Variants in SLC25A21 observed in about 807,000 individuals in gnomAD.
SLC25A21 encodes solute carrier family 25 member 21.
Under a neutral mutation model 43.8 loss-of-function variants are expected in SLC25A21, and 47 were observed. That is an observed-to-expected ratio of 1.07 (90% CI 0.85 to 1.37). The LOEUF is 1.37. Among genes scored for constraint, SLC25A21 ranks in the 40% most tolerant of loss-of-function variants. SLC25A21 has a pLI of 0.00. For missense variants in SLC25A21, 352 were observed against 350.2 expected (o/e 1.00, Z -0.04); for synonymous variants, 131 against 121.3 (o/e 1.08, Z -0.52).
intron 9 of SLC25A21, among the ~76,000 whole-genome samples, chr14:36,683,312 G>A (rs1882375397): frequency 6.6e-6 from 1 of 152,222 alleles, no homozygotes; most frequent in South Asian, 2.1e-4. Context: ...TGCTGACAAA[G>A]CCCAGGAGAG....
intron 1 of SLC25A21, among the ~76,000 whole-genome samples, chr14:36,924,565 T>C (rs1233417482): frequency 6.6e-6 from 1 of 151,954 alleles, no homozygotes; most frequent in African/African-American, 2.4e-5. Context: ...TTAGGAGATA[T>C]ACCTAATGGA....
At chr14:37,152,834 G>C (rs1024666044) in intron 1 of SLC25A21, among the ~76,000 whole-genome samples, 1 of 152,132 alleles carries the variant, frequency 6.6e-6, no homozygotes. Context: ...AATCAAATAG[G>C]GGAGAAAGGT....
At chr14:37,017,737 G>A (rs1042373446) in intron 1 of SLC25A21, among the ~76,000 whole-genome samples, 11 of 151,550 alleles carry the variant, frequency 7.3e-5, no homozygotes, top group East Asian at 5.8e-4. Context: ...ATTATTTTTC[G>A]CATAATATGA....
At chr14:36,906,291 T>A (rs796368120) in intron 1 of SLC25A21, among the ~76,000 whole-genome samples, 69 of 152,162 alleles carry the variant, frequency 4.5e-4, no homozygotes, top group African/African-American at 1.6e-3. Flanking sequence ...AAATAAAAAA[T>A]TCCAGAAACA....
At chr14:36,954,699 G>T (rs1959287816) in intron 1 of SLC25A21, among the ~76,000 whole-genome samples, 1 of 152,078 alleles carries the variant, frequency 6.6e-6, no homozygotes, top group African/African-American at 2.4e-5. Context: ...ACAAAAAAAT[G>T]ATAAATATGT....
intron 1 of SLC25A21, among the ~76,000 whole-genome samples, chr14:37,017,171 C>G (rs1960875962): frequency 6.6e-6 from 1 of 152,136 alleles, no homozygotes; most frequent in South Asian, 2.1e-4. Flanking sequence ...CCTATCTTAG[C>G]TTTTGGCATG....
chr14:36,815,631 A>T (rs571088039), intron 2 of SLC25A21, among the ~76,000 whole-genome samples: 1 of 152,260 alleles, frequency 6.6e-6, no homozygotes, highest in African/African-American at 2.4e-5. Context: ...GCATATGATC[A>T]TGCATCCCTG....
intron 3 of SLC25A21, among the ~76,000 whole-genome samples, chr14:36,759,349 T>TCA (rs1886054188): frequency 6.6e-6 from 1 of 152,246 alleles, no homozygotes; most frequent in Non-Finnish European, 1.5e-5. Context: ...AGTTTCCTTC[T>TCA]GAAAAAAACA....
At chr14:37,153,645 C>T (rs1963797577) in intron 1 of SLC25A21, among the ~76,000 whole-genome samples, 1 of 152,322 alleles carries the variant, frequency 6.6e-6, no homozygotes, top group Admixed American at 6.5e-5. Flanking sequence ...AAGACAGCAG[C>T]TCCCTCTCCA....
At chr14:36,784,262 C>T (rs1307108267) in intron 3 of SLC25A21, among the ~76,000 whole-genome samples, 1 of 152,200 alleles carries the variant, frequency 6.6e-6, no homozygotes, top group Non-Finnish European at 1.5e-5. Context: ...ACAAGAAATC[C>T]TGTTTTACAT....
At chr14:36,982,797 G>T (rs1457764881) in intron 1 of SLC25A21, among the ~76,000 whole-genome samples, 2 of 151,598 alleles carry the variant, frequency 1.3e-5, no homozygotes, top group East Asian at 3.9e-4. Context: ...CTGGGCCATA[G>T]AGTGAGACTC....
chr14:37,167,798 C>G (rs751875673), intron 1 of SLC25A21, among the ~76,000 whole-genome samples: 1 of 151,982 alleles, frequency 6.6e-6, no homozygotes, highest in East Asian at 1.9e-4. Flanking sequence ...ATCTTGTGGC[C>G]CCCACCCAGG....
intron 1 of SLC25A21, among the ~76,000 whole-genome samples, chr14:36,920,035 T>A (rs990414940): frequency 1.3e-5 from 2 of 152,094 alleles, no homozygotes; most frequent in Non-Finnish European, 2.9e-5. Context: ...ATCAGTCAAA[T>A]AAACACAAAT....
rs1397904925 is a variant in SLC25A21, at chr14:36,776,234, C to CTTTTTTTT, written c.203+37683_203+37684insAAAAAAAA. On this transcript the variant is annotated intron_variant, in intron 3 of 9. Coordinates refer to ENST00000331299, the MANE Select transcript of SLC25A21 (RefSeq NM_030631.4). The stretch of plus-strand genomic sequence containing the variant: ...CTTTCTTTTTTCTTTTTCTTTCTTT[C>CTTTTTTTT]TTTCTTTTTTTTTTTTTTTTGAGAT... 1.1e-3 allele frequency among the ~76,000 whole-genome samples: 87 copies of CTTTTTTTT among 75,720 alleles called. 5 individuals are homozygous for CTTTTTTTT. The highest frequency in any genetic ancestry group is 4.7e-3 in the African/African-American group (82 of 17,540). The allele number at this position is 75,720 out of a possible 152,430, so 49.7% of individuals were successfully genotyped here.
chr14:37,052,613 C>T (rs1034128961), intron 1 of SLC25A21, among the ~76,000 whole-genome samples: 1 of 151,394 alleles, frequency 6.6e-6, no homozygotes, highest in African/African-American at 2.4e-5. Flanking sequence ...TAACCATGTA[C>T]ATTTAATAAA....
chr14:37,087,486 C>T (rs1379252530), intron 1 of SLC25A21, among the ~76,000 whole-genome samples: 1 of 152,180 alleles, frequency 6.6e-6, no homozygotes, highest in African/African-American at 2.4e-5. Flanking sequence ...TGCAGTAGCA[C>T]TACACCCAAG....
At chr14:36,747,015 T>A (rs1282336957) in intron 3 of SLC25A21, among the ~76,000 whole-genome samples, 2 of 152,088 alleles carry the variant, frequency 1.3e-5, no homozygotes, top group Non-Finnish European at 2.9e-5. Context: ...ACACACACAC[T>A]CTTATACATA....
At chr14:37,122,271 C>A (rs76262334) in intron 1 of SLC25A21, among the ~76,000 whole-genome samples, 8,621 of 152,218 alleles carry the variant, frequency 0.057, 831 homozygotes, top group African/African-American at 0.2. Context: ...ATCTATCCTA[C>A]AGTGCTTGTG....
intron 1 of SLC25A21, among the ~76,000 whole-genome samples, chr14:37,101,937 T>A (rs1962824232): frequency 6.6e-6 from 1 of 152,198 alleles, no homozygotes; most frequent in African/African-American, 2.4e-5. Flanking sequence ...TCCCCTCATG[T>A]TTCAGTTTCC....
Sources: allele counts gnomAD v4.1 joint callset (sites outside exome capture counted in the v4.1 genomes callset), GRCh38; gene constraint gnomAD v4.1.1; transcripts MANE v1.5; gene names NCBI Gene and HGNC (gene_info 2026-07-23, HGNC 2026-07-21).